Variants in SLC38A10 observed in about 807,000 individuals in gnomAD.
The protein encoded by SLC38A10 is Sodium-coupled neutral amino acid transporter 10.
In SLC38A10, 53 loss-of-function variants were observed where a neutral mutation model predicts 81.0. That is an observed-to-expected ratio of 0.65 (90% CI 0.53 to 0.82). The LOEUF (loss-of-function observed/expected upper bound fraction) is 0.82, where lower values mean the gene tolerates loss of function less well. SLC38A10 is among the 40% of genes least tolerant of loss of function. The pLI is 0.00. For synonymous variants in SLC38A10, 665 were observed against 655.3 expected (o/e 1.01, Z -0.23); for missense variants, 1,471 against 1,545.0 (o/e 0.95, Z 0.80).
intron 11 of SLC38A10, among the ~76,000 whole-genome samples, chr17:81,258,591 C>T (rs535956317): frequency 1.3e-5 from 2 of 152,062 alleles, no homozygotes; most frequent in African/African-American, 2.4e-5. Context: ...TGGACGAGGG[C>T]GACACCCCTC....
intron 8 of SLC38A10, among the ~76,000 whole-genome samples, chr17:81,274,358 T>C (rs541879058): frequency 6.6e-6 from 1 of 152,350 alleles, no homozygotes; most frequent in East Asian, 1.9e-4. Flanking sequence ...CCTGGCCACA[T>C]GGACAGTGAG....
intron 14 of SLC38A10, among the ~76,000 whole-genome samples, chr17:81,248,901 C>T (rs1303628149): frequency 1.3e-5 from 2 of 152,238 alleles, no homozygotes; most frequent in Non-Finnish European, 2.9e-5. Flanking sequence ...CAGACGCCTG[C>T]CTGCAGGGAA....
chr17:81,247,203 C>T (rs1333267272), intron 14 of SLC38A10, 142 bp from the exon 15 acceptor site: 19 of 844,442 alleles, frequency 2.3e-5, no homozygotes, highest in Non-Finnish European at 2.3e-5. Context: ...TGACACCCAT[C>T]ATGACTGTGA....
At position 81,252,002 on chromosome 17, in the gene SLC38A10, A is replaced by G. The variant is rs1052438030; in HGVS notation, c.1945+193T>C. The G allele has an allele frequency of 6.5e-6, 5 of 775,076 alleles. No homozygotes were observed. In the African/African-American group the frequency reaches 7.0e-5, roughly 11 times the overall value. 48.0% of individuals were successfully genotyped at this position (775,076 alleles called of 1,614,324 possible). A position where few individuals can be genotyped will look rare whatever the true frequency, so the allele number is the denominator to read the frequency against. ...TCTGGCAAACAACTGTGTGACAGATATTACAGTAGCTGTCAGCCACCAGCC... is the reference window on the plus strand; with the variant it reads ...TCTGGCAAACAACTGTGTGACAGATGTTACAGTAGCTGTCAGCCACCAGCC... On this transcript the variant is annotated intron_variant, in intron 13 of 15. Transcript: ENST00000374759.
In SLC38A10 at chr17:81,272,511, C is replaced by T. The variant is rs2063125937; in HGVS notation, c.1024+5G>A. On this transcript the variant is annotated splice_donor_5th_base_variant and intron_variant, in intron 9 of 15. Transcript: ENST00000374759. ...CCCGGCAACAGGGCAGCCCTCCCGC[C>T]TTACCGTTGGGGATAAGGATGCCAC... is the stretch of plus-strand genomic sequence containing the variant. 1 of 1,584,452 alleles carries T rather than the reference C, an allele frequency of 6.3e-7. No homozygotes were observed. Among genetic ancestry groups the T allele is most frequent in the Non-Finnish European group, 8.6e-7 (1 of 1,167,628 alleles).
intron 11 of SLC38A10, among the ~76,000 whole-genome samples, chr17:81,255,634 C>T (rs1354933088): frequency 2.0e-5 from 3 of 152,230 alleles, no homozygotes; most frequent in African/African-American, 7.2e-5. Context: ...TGGCTCCACG[C>T]ACGCCCCCAG....
Position 81,283,617 on chromosome 17 carries a change from C to CCT in SLC38A10, c.264-116_264-115insAG. ...GAATGACAGATGTGATTTCTTTTTT[C>CCT]TTTTTTTTTTTTTTGAAACAGAGTC... is the stretch of plus-strand genomic sequence containing the variant. On this transcript the variant is annotated intron_variant, in intron 3 of 15. Transcript: ENST00000374759. This position sits in a 1 kb window ranked among gnomAD's most constrained non-coding sequence, Gnocchi z 4.7. 1.9e-6 allele frequency: 1 copy of CCT among 517,518 alleles called. No homozygotes were observed. Among genetic ancestry groups the CCT allele is most frequent in the Non-Finnish European group, 3.3e-6 (1 of 301,192 alleles). The allele number at this position is 517,518 out of a possible 1,614,324, so 32.1% of individuals were successfully genotyped here. A position where few individuals can be genotyped will look rare whatever the true frequency, so the allele number is the denominator to read the frequency against.
At chr17:81,272,763 A>G in intron 8 of SLC38A10, 136 bp from the exon 9 acceptor site, 1 of 529,656 alleles carries the variant, frequency 1.9e-6, no homozygotes, top group Non-Finnish European at 3.3e-6. Context: ...CTCACCTGGC[A>G]GGTGAGCCTG....
At chr17:81,248,704 G>A (rs567728359) in intron 14 of SLC38A10, among the ~76,000 whole-genome samples, 41 of 152,346 alleles carry the variant, frequency 2.7e-4, no homozygotes, top group African/African-American at 6.3e-4. Flanking sequence ...CTGACGTGCC[G>A]GCCCAGCCTC....
In SLC38A10 at chr17:81,280,723, G is replaced by A; in HGVS notation, c.512C>T (p.Ser171Phe). ...ACTGAAGAGGCCGTGCTTGAGAGAG[G>A]AGAGCACGATCTGCAGAGGGAGAGG... ...YTVFMFVIVL[S>F]SLKHGLFSGQ... The change falls in exon 6 of 16, where the codon TCC (serine) becomes TTC (phenylalanine). Residue 171 changes from serine to phenylalanine, a missense_variant. Ser to Phe is a radical substitution (Grantham distance 155). Around this residue, in one of 2 missense-constraint regions of SLC38A10, gnomAD observed 720 missense variants for 827.7 expected, o/e 0.87. Coordinates refer to ENST00000374759, the MANE Select transcript of SLC38A10 (RefSeq NM_001037984.3). 6.2e-7 allele frequency: 1 copy of A among 1,612,798 alleles called. No homozygotes were observed. Among genetic ancestry groups the A allele is most frequent in the South Asian group, 1.1e-5 (1 of 91,006 alleles).
In SLC38A10 at chr17:81,272,590, G is replaced by T. The variant is rs200657122; in HGVS notation, c.950C>A (p.Pro317His). Reference protein sequence around the residue: ...DGTFAAGGYMPPLRFKALTLS... With the variant: ...DGTFAAGGYMHPLRFKALTLS... ...GGTAAGTGCTTTAAACCGGAGAGGG[G>T]GCATGTAGCCCCCTGCTGCAAAGGT... is the stretch of plus-strand genomic sequence containing the variant. The change falls in exon 9 of 16, where the codon CCC (proline) becomes CAC (histidine). Residue 317 changes from proline to histidine, a missense_variant. This residue lies in a region of SLC38A10 where 720 missense variants were observed against 827.7 expected (regional missense o/e 0.87). Transcript: ENST00000374759. 2.5e-6 allele frequency: 4 copies of T among 1,576,062 alleles called. No homozygotes were observed. The highest frequency in any genetic ancestry group is 2.6e-6 in the Non-Finnish European group (3 of 1,164,142).
intron 8 of SLC38A10, 77 bp downstream of exon 8, chr17:81,275,892 T>C: frequency 6.8e-7 from 1 of 1,472,568 alleles, no homozygotes; most frequent in Non-Finnish European, 9.1e-7. Flanking sequence ...TATCTCTGGT[T>C]CGGGACAGCT....
rs1047728722 is a variant in SLC38A10 at position 81,276,967 on chromosome 17, G to A, written c.729+64C>T. ...AGGGCCATGCCTGTGGCAGTCCCAC[G>A]GGGCACCACGGCACATCATGCTGGC... On this transcript the variant is annotated intron_variant, in intron 7 of 15. Coordinates refer to ENST00000374759, the MANE Select transcript of SLC38A10 (RefSeq NM_001037984.3). This position sits in a 1 kb window ranked among gnomAD's most constrained non-coding sequence, Gnocchi z 4.7. 1.1e-4 allele frequency: 171 copies of A among 1,509,440 alleles called. No homozygotes were observed. Among genetic ancestry groups the A allele is most frequent in the Middle Eastern group, 1.7e-4 (1 of 5,840 alleles). 93.5% of individuals were successfully genotyped at this position (1,509,440 alleles called of 1,614,324 possible).
intron 5 of SLC38A10, 140 bp from the exon 6 acceptor site, chr17:81,280,873 G>C (rs2063205737): frequency 3.3e-6 from 4 of 1,207,526 alleles, no homozygotes; most frequent in East Asian, 2.7e-5. Flanking sequence ...ACCACCCTGT[G>C]CCGCCCTGTG....
At chr17:81,255,814 C>G (rs1490660599) in intron 11 of SLC38A10, among the ~76,000 whole-genome samples, 1 of 152,214 alleles carries the variant, frequency 6.6e-6, no homozygotes, top group Non-Finnish European at 1.5e-5. Context: ...TGGCAAAACC[C>G]TGTCTCAACA....
In SLC38A10 at chr17:81,252,301, C is replaced by T. The variant is rs765740094; in HGVS notation, c.1839G>A (p.Glu613=). 1.9e-6 allele frequency: 3 copies of T among 1,611,688 alleles called. No homozygotes were observed. The highest frequency in any genetic ancestry group is 1.7e-5 in the Admixed American group (1 of 59,944). The change falls in exon 13 of 16, where the codon GAG becomes GAA. Residue 613 remains glutamate, a synonymous_variant. Transcript: ENST00000374759. ...LHPRPQAVLS[E]QQNGLAVGGG... is the part of the protein sequence containing the mutation. ...CACCCACCGCCAGGCCGTTCTGCTG[C>T]TCAGACAGCACTGCCTGGGGCCGAG...
At chr17:81,268,411 C>CT (rs112816884) in intron 10 of SLC38A10, among the ~76,000 whole-genome samples, 46 of 148,436 alleles carry the variant, frequency 3.1e-4, no homozygotes, top group African/African-American at 6.9e-4. Context: ...TCTTTTTTTT[C>CT]TTTTTTTTTT....
At chr17:81,294,759 C>CCCGG in intron 1 of SLC38A10, 64 bp downstream of exon 1, 1 of 1,456,300 alleles carries the variant, frequency 6.9e-7, no homozygotes, top group Non-Finnish European at 9.2e-7. Flanking sequence ...ACCAGGACGA[C>CCCGG]CCAGCCAGAC....
At chr17:81,258,510 C>T (rs774007563) in intron 11 of SLC38A10, among the ~76,000 whole-genome samples, 16 of 152,144 alleles carry the variant, frequency 1.1e-4, no homozygotes, top group South Asian at 2.1e-4. Flanking sequence ...CAGGCAGAGG[C>T]GGCGCAGTGC....
Sources: allele counts gnomAD v4.1 joint callset (sites outside exome capture counted in the v4.1 genomes callset), GRCh38; gene constraint gnomAD v4.1.1; regional missense constraint gnomAD v4.1.1; non-coding constraint Gnocchi (gnomAD v3.1); transcripts MANE v1.5; gene names NCBI Gene and HGNC (gene_info 2026-07-23, HGNC 2026-07-21).